The following TTC13 variants were observed in gnomAD, a reference collection of about 807,000 sequenced individuals.
The protein encoded by TTC13 is tetratricopeptide repeat domain 13, also known as tetratricopeptide repeat protein 13.
Under a neutral mutation model 120.0 loss-of-function variants are expected in TTC13, and 62 were observed. That is an observed-to-expected ratio of 0.52 (90% confidence interval 0.42 to 0.64). The LOEUF (loss-of-function observed/expected upper bound fraction) is 0.64. TTC13 is among the 30% of genes least tolerant of loss of function. The pLI, the probability that TTC13 is intolerant of heterozygous loss-of-function variation, is 0.00. For synonymous variants in TTC13, 384 were observed against 393.5 expected (o/e 0.98, Z 0.28); for missense variants, 824 against 1,050.2 (o/e 0.78, Z 2.98).
At chr1:230,964,099 C>G (rs1368981114) in intron 1 of TTC13, among the ~76,000 whole-genome samples, 2 of 152,156 alleles carry the variant, frequency 1.3e-5, no homozygotes, top group African/African-American at 4.8e-5. Context: ...TTCTAACAAT[C>G]CCTCTCCTTT....
At chr1:230,930,684 C>T (rs1673461837) in intron 11 of TTC13, among the ~76,000 whole-genome samples, 1 of 152,184 alleles carries the variant, frequency 6.6e-6, no homozygotes, top group Non-Finnish European at 1.5e-5. Flanking sequence ...CTTTGGGAGG[C>T]CGAGGCAGGT....
rs114394042 is a variant in TTC13 at position 230,943,131 on chromosome 1, G to C, written c.672+675C>G. On this transcript the variant is annotated intron_variant, in intron 6 of 22. Transcript: ENST00000366661. ...AACAGTCATATCAAGTCTTGCTAAAGTATGTCACATATACAGTAAATATTA... is the reference window on the plus strand; with the variant it reads ...AACAGTCATATCAAGTCTTGCTAAACTATGTCACATATACAGTAAATATTA... 2.9e-3 allele frequency among the ~76,000 whole-genome samples: 446 copies of C among 152,202 alleles called. 2 individuals carry two copies. The highest frequency in any genetic ancestry group is 0.01 in the African/African-American group (417 of 41,530).
chr1:230,934,428 G>C (rs1421819112), intron 8 of TTC13, among the ~76,000 whole-genome samples: 1 of 152,206 alleles, frequency 6.6e-6, no homozygotes, highest in Non-Finnish European at 1.5e-5. Flanking sequence ...TTAAGTTGGA[G>C]GTGTTTGGGG....
chr1:230,948,256 G>A (rs773046049), intron 4 of TTC13, among the ~76,000 whole-genome samples: 13 of 151,474 alleles, frequency 8.6e-5, no homozygotes, highest in Non-Finnish European at 1.8e-4. Flanking sequence ...TCAGAAAACA[G>A]TTTCAGTAGG....
At chr1:230,956,670 G>A in intron 3 of TTC13, 1 of 232,514 alleles carries the variant, frequency 4.3e-6, no homozygotes, top group Non-Finnish European at 8.8e-6. Context: ...CTAAGTGATT[G>A]AATTCCACTT....
chr1:230,954,393 A>G lies in TTC13; in HGVS notation c.453T>C (p.Tyr151=), dbSNP rs1675866421. ...CATACAGACCACTGCCAATCAAGACATAAGCAATAGCTATGAAACAAAATA... is the reference window on the plus strand; with the variant it reads ...CATACAGACCACTGCCAATCAAGACGTAAGCAATAGCTATGAAACAAAATA... ...DSTNEELAIA[Y]VLIGSGLYDE... is the part of the protein sequence containing the mutation. Residue 151 remains tyrosine (Y), a synonymous_variant, in exon 4 of 23, where the codon TAT becomes TAC. Coordinates refer to ENST00000366661, the MANE Select transcript of TTC13 (RefSeq NM_024525.5). 6.2e-7 allele frequency: 1 copy of G among 1,611,600 alleles called. No individual in the cohort carries two copies. Among genetic ancestry groups the G allele is most frequent in the African/African-American group, 1.3e-5 (1 of 74,892 alleles).
intron 1 of TTC13, among the ~76,000 whole-genome samples, chr1:230,961,773 T>C (rs1259212413): frequency 6.6e-6 from 1 of 152,146 alleles, no homozygotes; most frequent in Non-Finnish European, 1.5e-5. Context: ...AGAGTACTAG[T>C]ACAATGCTTG....
At chr1:230,909,138 A>G in intron 20 of TTC13, 118 bp from the exon 21 acceptor site, 1 of 791,752 alleles carries the variant, frequency 1.3e-6, no homozygotes, top group Non-Finnish European at 2.1e-6. Flanking sequence ...TCTTTCAAAT[A>G]AAACACCGAA....
Position 230,924,991 on chromosome 1 carries a change from C to A in TTC13, c.1589-18G>T, listed in dbSNP as rs767377821. 7.4e-6 allele frequency: 12 copies of A among 1,613,976 alleles called. No individual in the cohort carries two copies. Among genetic ancestry groups the A allele is most frequent in the East Asian group, 2.2e-5 (1 of 44,868 alleles). Reference sequence around the variant, plus strand: ...ACCCATAGCTACGAGAAAGGAATATCGAGAAGAGTTAGTACACTTTAGAGG... The same window carrying A: ...ACCCATAGCTACGAGAAAGGAATATAGAGAAGAGTTAGTACACTTTAGAGG... On this transcript the variant is annotated intron_variant, in intron 13 of 22. Coordinates refer to ENST00000366661, the MANE Select transcript of TTC13 (RefSeq NM_024525.5).
intron 1 of TTC13, among the ~76,000 whole-genome samples, chr1:230,969,988 C>T (rs776832362): frequency 2.0e-5 from 3 of 152,204 alleles, no homozygotes; most frequent in Non-Finnish European, 4.4e-5. Flanking sequence ...TTTGATTCTC[C>T]ATCCTCCAAG....
intron 8 of TTC13, among the ~76,000 whole-genome samples, chr1:230,935,388 G>T (rs1484158746): frequency 2.6e-5 from 4 of 152,176 alleles, no homozygotes; most frequent in Non-Finnish European, 5.9e-5. Context: ...AAGTCTCTGA[G>T]AATGAAGAGA....
chr1:230,939,583 A>T, intron 7 of TTC13, 87 bp from the exon 8 acceptor site: 2 of 824,218 alleles, frequency 2.4e-6, no homozygotes, highest in Non-Finnish European at 3.8e-6. Context: ...AGAGAAAAAA[A>T]ATCTCAATTC....
chr1:230,910,663 GC>G (rs1321320384), intron 20 of TTC13, among the ~76,000 whole-genome samples: 4 of 152,340 alleles, frequency 2.6e-5, no homozygotes, highest in African/African-American at 9.6e-5. Flanking sequence ...GTACAGTGGG[GC>G]CCACAAGCGG....
At chr1:230,957,825 GTAAAATAACTTAAAGTTTAAGT>G (rs67594077) in intron 3 of TTC13, among the ~76,000 whole-genome samples, 48,791 of 151,886 alleles carry the variant, frequency 0.32, 7,948 homozygotes, top group Middle Eastern at 0.48. Context: ...AGCCTCATGA[GTAAAATAACTTAAAGTTTAAGT>G]TAAAATAACT....
intron 16 of TTC13, among the ~76,000 whole-genome samples, chr1:230,921,054 T>G (rs1672528836): frequency 6.6e-6 from 1 of 152,242 alleles, no homozygotes; most frequent in African/African-American, 2.4e-5. Flanking sequence ...CATTCAGATT[T>G]TTTTTCTCCT....
chr1:230,933,932 AG>A (rs1673806113), intron 8 of TTC13, 71 bp from the exon 9 acceptor site: 1 of 1,038,256 alleles, frequency 9.6e-7, no homozygotes, highest in Non-Finnish European at 1.4e-6. Flanking sequence ...AAATCATAAA[AG>A]GATTTAAATA....
At chr1:230,955,095 AT>A (rs1675928910) in intron 3 of TTC13, among the ~76,000 whole-genome samples, 1 of 152,184 alleles carries the variant, frequency 6.6e-6, no homozygotes, top group Non-Finnish European at 1.5e-5. Context: ...TTCTGACTAA[AT>A]TCTCCCACCC....
chr1:230,943,384 T>C (rs528400679), intron 6 of TTC13, among the ~76,000 whole-genome samples: 5 of 152,264 alleles, frequency 3.3e-5, no homozygotes, highest in South Asian at 2.1e-4. Flanking sequence ...CATATTACCA[T>C]GGAATACTAT....
chr1:230,978,503 C>G lies in TTC13; in HGVS notation c.271+57G>C. On this transcript the variant is annotated intron_variant, in intron 1 of 22. Transcript: ENST00000366661. This position sits in a 1 kb window ranked among gnomAD's most constrained non-coding sequence, Gnocchi z 5.6. ...GCGACCCGTACCCCGGCCCGGGACC[C>G]CAGCCCCGCTGCCCCGCCGCCCCGG... 1.9e-6 allele frequency: 1 copy of G among 530,884 alleles called. No homozygotes were observed. The allele number at this position is 530,884 out of a possible 1,614,324, so 32.9% of individuals were successfully genotyped here.
Sources: gnomAD v4.1 joint callset for allele counts (sites outside exome capture counted in the v4.1 genomes callset) on GRCh38, gnomAD v4.1.1 for gene constraint, Gnocchi (gnomAD v3.1) non-coding constraint, MANE v1.5 for transcripts, NCBI Gene and HGNC (gene_info 2026-07-23, HGNC 2026-07-21) for gene names.